The following TYW1B variants were observed in gnomAD, a reference collection of about 807,000 sequenced individuals.
The protein encoded by TYW1B is tRNA-yW synthesizing protein 1 homolog B, also known as S-adenosyl-L-methionine-dependent tRNA 4-demethylwyosine synthase TYW1B.
Under a neutral mutation model 86.9 loss-of-function variants are expected in TYW1B, and 73 were observed. That is an observed-to-expected ratio of 0.84 (90% CI 0.70 to 1.02). The LOEUF is 1.02. Ranked by LOEUF, TYW1B falls within the 50% of genes least tolerant of loss-of-function variation. TYW1B has a pLI of 0.00. For missense variants in TYW1B, 637 were observed against 827.4 expected (o/e 0.77, Z 2.82); for synonymous variants, 248 against 292.8 (o/e 0.85, Z 1.56).
intron 11 of TYW1B, among the ~76,000 whole-genome samples, chr7:72,661,127 T>A (rs1289961612): frequency 6.7e-6 from 1 of 149,424 alleles, no homozygotes; most frequent in Non-Finnish European, 1.5e-5. Context: ...AGAGTAAGAC[T>A]CTGTCTCCAA....
intron 6 of TYW1B, among the ~76,000 whole-genome samples, chr7:72,783,424 A>G (rs1788081417): frequency 6.6e-6 from 1 of 151,168 alleles, no homozygotes; most frequent in Non-Finnish European, 1.5e-5. Context: ...ATGTTTAATT[A>G]TACATGAAGT....
In TYW1B at chr7:72,574,970, T is replaced by C. The variant is rs532765609; in HGVS notation, c.*528A>G. ...AATCTATGCAGTATTTAAAAAATAA[T>C]TGAGAGTTGTGACAACTTCGATTCT... On this transcript the variant is annotated 3_prime_UTR_variant, in exon 14 of 14. Transcript: ENST00000620995. The C allele has an allele frequency of 1.4e-5, 14 of 987,976 alleles. No individual in the cohort carries two copies. The highest frequency in any genetic ancestry group is 7.0e-5 in the African/African-American group (4 of 57,240). 61.2% of individuals were successfully genotyped at this position (987,976 alleles called of 1,614,324 possible).
chr7:72,640,220 C>T (rs1177858767), intron 11 of TYW1B, among the ~76,000 whole-genome samples: 3 of 151,704 alleles, frequency 2.0e-5, no homozygotes, highest in East Asian at 1.9e-4. Flanking sequence ...TAATTAGATG[C>T]TAAATTTAAA....
At chr7:72,790,247 G>A (rs1244919928) in intron 6 of TYW1B, among the ~76,000 whole-genome samples, 1 of 151,878 alleles carries the variant, frequency 6.6e-6, no homozygotes, top group African/African-American at 2.4e-5. Context: ...TGCCCGGCCA[G>A]GAGTATCTTT....
chr7:72,820,501 A>G lies in TYW1B; in HGVS notation c.136-5020T>C, dbSNP rs1788808455. On this transcript the variant is annotated intron_variant, in intron 2 of 13. Transcript: ENST00000620995. Reference sequence around the variant, plus strand: ...TTGGTTCACAATTCTGATATCTGAAAAAGTTCAAGATTGGACATCTACATC... The same window carrying G: ...TTGGTTCACAATTCTGATATCTGAAGAAGTTCAAGATTGGACATCTACATC... Among the ~76,000 whole-genome samples the G allele has an allele frequency of 2.6e-5, 4 of 152,346 alleles. No homozygotes were observed. The South Asian group carries it at 8.3e-4, about 32-fold the overall frequency.
intron 13 of TYW1B, among the ~76,000 whole-genome samples, chr7:72,606,535 C>G (rs1329553310): frequency 2.0e-5 from 3 of 152,070 alleles, no homozygotes; most frequent in Non-Finnish European, 2.9e-5. Context: ...ACCTCTCCCC[C>G]ATACACTCGA....
chr7:72,825,642 C>T (rs1278881761), intron 2 of TYW1B, among the ~76,000 whole-genome samples: 1 of 152,164 alleles, frequency 6.6e-6, no homozygotes, highest in Non-Finnish European at 1.5e-5. Context: ...CGTGCCACTG[C>T]ACTCCAGCCT....
At chr7:72,774,741 A>G (rs1414627481) in intron 7 of TYW1B, among the ~76,000 whole-genome samples, 3 of 152,102 alleles carry the variant, frequency 2.0e-5, no homozygotes, top group African/African-American at 7.2e-5. Flanking sequence ...AAAATAAATA[A>G]ATAAATAATA....
At chr7:72,648,420 G>T (rs1554442352) in intron 11 of TYW1B, among the ~76,000 whole-genome samples, 2 of 151,742 alleles carry the variant, frequency 1.3e-5, no homozygotes, top group African/African-American at 4.8e-5. Context: ...GCGCATGCCT[G>T]TAAACTCAGC....
In TYW1B at chr7:72,815,486, T is replaced by C. The variant is rs1283248400; in HGVS notation, c.136-5A>G. On this transcript the variant is annotated splice_polypyrimidine_tract_variant and splice_region_variant and intron_variant, in intron 2 of 13. Transcript: ENST00000620995. Reference sequence around the variant, plus strand: ...AGCAAGAACTGTTGCAAATCCCTAATAGGACAAAAAAAAACTTCAAATAAA... The same window carrying C: ...AGCAAGAACTGTTGCAAATCCCTAACAGGACAAAAAAAAACTTCAAATAAA... The C allele has an allele frequency of 6.2e-6, 10 of 1,601,794 alleles. No individual in the cohort carries two copies. Among genetic ancestry groups the C allele is most frequent in the East Asian group, 2.2e-5 (1 of 44,536 alleles).
intron 13 of TYW1B, among the ~76,000 whole-genome samples, chr7:72,608,746 ATAGAG>A (rs1388542644): frequency 2.0e-5 from 3 of 152,228 alleles, no homozygotes; most frequent in Admixed American, 2.0e-4. Flanking sequence ...TTATTGTCAG[ATAGAG>A]TAAACTTCTG....
chr7:72,825,601 G>C (rs528412766), intron 2 of TYW1B, among the ~76,000 whole-genome samples: 18 of 152,226 alleles, frequency 1.2e-4, no homozygotes, highest in Middle Eastern at 3.4e-3. Flanking sequence ...AATTGCTTGA[G>C]GTGGAGGTGG....
chr7:72,619,679 A>G (rs1201220916), intron 12 of TYW1B, among the ~76,000 whole-genome samples: 1 of 151,898 alleles, frequency 6.6e-6, no homozygotes, highest in South Asian at 2.1e-4. Flanking sequence ...AATCATTACG[A>G]AAGCATGGCT....
intron 7 of TYW1B, among the ~76,000 whole-genome samples, chr7:72,751,995 C>T (rs1167635398): frequency 6.6e-6 from 1 of 152,216 alleles, no homozygotes; most frequent in Non-Finnish European, 1.5e-5. Context: ...ACTTCCAAGG[C>T]CAGGCTGCTT....
Position 72,713,766 on chromosome 7 carries a change from C to T in TYW1B, c.1225G>A (p.Glu409Lys). 6.2e-7 allele frequency: 1 copy of T among 1,600,712 alleles called. No individual in the cohort carries two copies. The highest frequency in any genetic ancestry group is 8.5e-7 in the Non-Finnish European group (1 of 1,171,846). Residue 409 changes from glutamate to lysine, a missense_variant, in exon 10 of 14, where the codon GAA becomes AAA. Transcript: ENST00000620995. ...GCACAGTGCTTTACCGTCATTCCTT[C>T]TTCAAAGCGTTCTGCTTTGACGCCC... ...VPGVKAERFE[E>K]GMTVKHCALS...
At chr7:72,808,971 C>T (rs1788547135) in intron 4 of TYW1B, among the ~76,000 whole-genome samples, 1 of 151,634 alleles carries the variant, frequency 6.6e-6, no homozygotes, top group African/African-American at 2.4e-5. Flanking sequence ...TTCATTTTTT[C>T]AAGTGTAGAG....
At chr7:72,683,818 A>C (rs1813941859) in intron 11 of TYW1B, among the ~76,000 whole-genome samples, 1 of 152,192 alleles carries the variant, frequency 6.6e-6, no homozygotes, top group Admixed American at 6.5e-5. Context: ...ACCCGACCAG[A>C]TGCAAAGGGC....
intron 12 of TYW1B, among the ~76,000 whole-genome samples, chr7:72,621,772 CT>C (rs1812223290): frequency 6.6e-6 from 1 of 152,230 alleles, no homozygotes; most frequent in Non-Finnish European, 1.5e-5. Context: ...CTCCACAACT[CT>C]TTTCTAATCC....
At chr7:72,677,133 G>A (rs1296694009) in intron 11 of TYW1B, among the ~76,000 whole-genome samples, 2 of 152,048 alleles carry the variant, frequency 1.3e-5, no homozygotes, top group African/African-American at 4.8e-5. Context: ...CTGTATGTAT[G>A]TATGCATGTA....
Sources: gnomAD v4.1 joint callset for allele counts (sites outside exome capture counted in the v4.1 genomes callset) on GRCh38, gnomAD v4.1.1 for gene constraint, MANE v1.5 for transcripts, NCBI Gene and HGNC (gene_info 2026-07-23, HGNC 2026-07-21) for gene names.